Variants in CCSER1 observed in about 807,000 individuals in gnomAD.
CCSER1 encodes serine-rich coiled-coil domain-containing protein 1.
In CCSER1, 41 loss-of-function variants were observed where a neutral mutation model predicts 82.0. The ratio of observed to expected loss-of-function variants is 0.50; its 90% CI spans 0.39 to 0.65. The LOEUF (loss-of-function observed/expected upper bound fraction) is 0.65, where lower values mean the gene tolerates loss of function less well. Among genes scored for constraint, CCSER1 ranks in the 30% least tolerant of loss-of-function variants. CCSER1 has a pLI of 0.00. For synonymous variants in CCSER1, 414 were observed against 383.9 expected (o/e 1.08, Z -0.92); for missense variants, 1,119 against 1,064.2 (o/e 1.05, Z -0.72).
chr4:90,264,796 A>G (rs997754503), intron 1 of CCSER1, among the ~76,000 whole-genome samples: 1 of 152,044 alleles, frequency 6.6e-6, no homozygotes, highest in African/African-American at 2.4e-5. Context: ...TGTCTGGATT[A>G]TTAAGGTTAT....
intron 10 of CCSER1, among the ~76,000 whole-genome samples, chr4:91,305,176 G>A (rs1744957926): frequency 6.6e-6 from 1 of 151,874 alleles, no homozygotes; most frequent in Non-Finnish European, 1.5e-5. Flanking sequence ...TTATTAGATT[G>A]TTTATAGAAT....
intron 1 of CCSER1, among the ~76,000 whole-genome samples, chr4:90,190,515 A>C (rs1735426831): frequency 6.6e-6 from 1 of 152,076 alleles, no homozygotes; most frequent in Admixed American, 6.6e-5. Context: ...TCAGCTCTCA[A>C]ATATTCCTCC....
At chr4:91,565,223 T>C (rs146207159) in intron 10 of CCSER1, among the ~76,000 whole-genome samples, 31 of 152,128 alleles carry the variant, frequency 2.0e-4, no homozygotes, top group Non-Finnish European at 3.5e-4. Flanking sequence ...TGTGCAGCCT[T>C]ATTTCTGGGT....
rs1251894474 is a variant in CCSER1 at position 91,118,284 on chromosome 4, C to CTT, written c.2217+32308_2217+32309dup. 8.2e-3 allele frequency among the ~76,000 whole-genome samples: 1,008 copies of CTT among 123,214 alleles called. 20 individuals carry two copies. Among genetic ancestry groups the CTT allele is most frequent in the Non-Finnish European group, 0.013 (776 of 59,344 alleles). The allele number at this position is 123,214 out of a possible 152,430, so 80.8% of individuals were successfully genotyped here. On this transcript the variant is annotated intron_variant, in intron 10 of 10. Coordinates refer to ENST00000509176, the MANE Select transcript of CCSER1 (RefSeq NM_001145065.2). Reference sequence around the variant, plus strand: ...GAAGTAACAACTGTAGTTATGGAGACTTTTTTTTTTTTTTTTTTTGAGACG... The same window carrying CTT: ...GAAGTAACAACTGTAGTTATGGAGACTTTTTTTTTTTTTTTTTTTTTGAGACG...
Position 91,429,803 on chromosome 4 carries a change from A to G in CCSER1, c.2218-168769A>G, listed in dbSNP as rs147543384. 8.6e-4 allele frequency among the ~76,000 whole-genome samples: 130 copies of G among 151,960 alleles called. 1 individual carries two copies. The East Asian group carries it at 0.021, about 25-fold the overall frequency. On this transcript the variant is annotated intron_variant, in intron 10 of 10. Transcript: ENST00000509176. ...ATTAAGTACTATTGAATGTAATTCTATTGTCTATAATCTCAGTTACGTGTT... is the reference window on the plus strand; with the variant it reads ...ATTAAGTACTATTGAATGTAATTCTGTTGTCTATAATCTCAGTTACGTGTT...
intron 10 of CCSER1, among the ~76,000 whole-genome samples, chr4:91,506,846 C>G (rs1272663521): frequency 6.6e-6 from 1 of 152,090 alleles, no homozygotes; most frequent in Non-Finnish European, 1.5e-5. Context: ...TACTTTCTGT[C>G]TCAATGAATT....
intron 1 of CCSER1, among the ~76,000 whole-genome samples, chr4:90,299,818 A>G (rs1041820223): frequency 2.0e-5 from 3 of 152,152 alleles, no homozygotes; most frequent in African/African-American, 7.2e-5. Flanking sequence ...TCTGGGTTAA[A>G]TGATATAATT....
At chr4:90,566,856 C>T (rs1384247821) in intron 5 of CCSER1, among the ~76,000 whole-genome samples, 1 of 152,084 alleles carries the variant, frequency 6.6e-6, no homozygotes, top group Admixed American at 6.5e-5. Context: ...CCCATCTCGG[C>T]CTCCCAAAGT....
chr4:91,290,627 A>C (rs72877093), intron 10 of CCSER1, among the ~76,000 whole-genome samples: 3,415 of 152,050 alleles, frequency 0.022, 135 homozygotes, highest in African/African-American at 0.075. Context: ...CCATACCTCT[A>C]TACCTCAATG....
chr4:90,951,951 T>C (rs1454335), intron 9 of CCSER1, among the ~76,000 whole-genome samples: 123,685 of 151,548 alleles, frequency 0.82, 50,878 homozygotes, highest in Non-Finnish European at 0.87. Flanking sequence ...CGCACACACA[T>C]ACAGACACAC....
chr4:91,564,198 T>G (rs1374909716), intron 10 of CCSER1, among the ~76,000 whole-genome samples: 2 of 151,960 alleles, frequency 1.3e-5, no homozygotes. Context: ...TTCATCCATG[T>G]TACTGCAAAA....
intron 4 of CCSER1, among the ~76,000 whole-genome samples, chr4:90,451,664 C>T (rs951954134): frequency 5.3e-5 from 8 of 152,126 alleles, no homozygotes; most frequent in African/African-American, 1.9e-4. Context: ...AGATACAGCC[C>T]ATTCTATCTC....
At chr4:91,416,573 C>T (rs970239815) in intron 10 of CCSER1, among the ~76,000 whole-genome samples, 11 of 152,134 alleles carry the variant, frequency 7.2e-5, no homozygotes, top group Non-Finnish European at 1.3e-4. Flanking sequence ...ATCTTATCTT[C>T]GACAAACCTG....
At chr4:91,172,952 C>G (rs1475463888) in intron 10 of CCSER1, among the ~76,000 whole-genome samples, 3 of 152,020 alleles carry the variant, frequency 2.0e-5, no homozygotes, top group Non-Finnish European at 2.9e-5. Context: ...TTTAAATCTC[C>G]AGAATGCACT....
rs1302127335 is a variant in CCSER1 at position 91,160,916 on chromosome 4, A to G, written c.2217+74922A>G. ...GAGCCCTTTAGTTTAATTAAATCCC[A>G]TTTATCTATTTTGGTTTCTGTTGCC... On this transcript the variant is annotated intron_variant, in intron 10 of 10. Transcript: ENST00000509176. Among the ~76,000 whole-genome samples, 10 of 151,832 alleles carry G rather than the reference A, an allele frequency of 6.6e-5. No individual in the cohort carries two copies. In the East Asian group the frequency reaches 1.7e-3, roughly 26 times the overall value.
intron 7 of CCSER1, among the ~76,000 whole-genome samples, chr4:90,758,948 A>T (rs1274288822): frequency 1.3e-5 from 2 of 151,924 alleles, no homozygotes; most frequent in African/African-American, 4.8e-5. Context: ...TTGTATTTGA[A>T]TTTTTCCCAT....
Position 90,308,995 on chromosome 4 carries a change from G to T in CCSER1, c.711G>T (p.Arg237=), listed in dbSNP as rs1238146223. ...SPSCSVDVTE[R]AGSSLQSPLL... ...CCTGTTCTGTGGATGTAACAGAACG[G>T]GCAGGAAGCTCTTTACAATCTCCTT... The change falls in exon 2 of 11, where the codon CGG becomes CGT. Residue 237 remains arginine (R), a synonymous_variant. Transcript: ENST00000509176. The T allele has an allele frequency of 1.2e-6, 2 of 1,613,746 alleles. No homozygotes were observed. Among genetic ancestry groups the T allele is most frequent in the South Asian group, 1.1e-5 (1 of 91,076 alleles).
intron 9 of CCSER1, among the ~76,000 whole-genome samples, chr4:90,978,299 G>A (rs1011251458): frequency 4.6e-5 from 7 of 151,512 alleles, no homozygotes; most frequent in African/African-American, 1.7e-4. Context: ...GGTTTTGTGA[G>A]AATTCAAAGA....
At chr4:91,340,202 A>T (rs1747619659) in intron 10 of CCSER1, among the ~76,000 whole-genome samples, 1 of 152,196 alleles carries the variant, frequency 6.6e-6, no homozygotes, top group Non-Finnish European at 1.5e-5. Flanking sequence ...TAATTATAAC[A>T]TATATTGTAT....
Sources: gnomAD v4.1 joint callset for allele counts (sites outside exome capture counted in the v4.1 genomes callset) on GRCh38, gnomAD v4.1.1 for gene constraint, MANE v1.5 for transcripts, NCBI Gene and HGNC (gene_info 2026-07-23, HGNC 2026-07-21) for gene names.